Variants in SLC25A26 observed in about 807,000 individuals in gnomAD.
SLC25A26 encodes solute carrier family 25 member 26.
SLC25A26 carries 36 observed loss-of-function variants against 37.8 expected under a neutral mutation model. That is an observed-to-expected ratio of 0.95 (90% CI 0.73 to 1.26). SLC25A26 has a LOEUF of 1.26. Ranked by LOEUF, SLC25A26 falls within the 50% of genes most tolerant of loss-of-function variation. The pLI is 0.00. For synonymous variants in SLC25A26, 129 were observed against 122.5 expected (o/e 1.05, Z -0.35); for missense variants, 390 against 331.1 (o/e 1.18, Z -1.38).
chr3:66,335,727 G>A (rs1045519043), intron 5 of SLC25A26, among the ~76,000 whole-genome samples: 5 of 152,166 alleles, frequency 3.3e-5, no homozygotes, highest in African/African-American at 1.2e-4. Context: ...GCCTTATCAA[G>A]CTTACTGTCT....
At chr3:66,297,438 G>A (rs988201338) in intron 5 of SLC25A26, among the ~76,000 whole-genome samples, 5 of 151,424 alleles carry the variant, frequency 3.3e-5, no homozygotes, top group African/African-American at 1.2e-4. Flanking sequence ...ATGAGGTTTT[G>A]TAATGCATTC....
chr3:66,173,111 G>A (rs750785683), intron 1 of SLC25A26, among the ~76,000 whole-genome samples: 2 of 152,194 alleles, frequency 1.3e-5, no homozygotes, highest in African/African-American at 2.4e-5. Context: ...TTTCCAAATT[G>A]TGATAAGCTA....
intron 1 of SLC25A26, among the ~76,000 whole-genome samples, chr3:66,208,461 C>G (rs922255970): frequency 0.57 from 85,900 of 151,598 alleles, 27,140 homozygotes; most frequent in Middle Eastern, 0.83. Context: ...TTCACATGCC[C>G]TCTTGCCAGA....
At chr3:66,369,347 G>C in intron 7 of SLC25A26, 131 bp from the exon 8 acceptor site, 1 of 717,082 alleles carries the variant, frequency 1.4e-6, no homozygotes, top group Non-Finnish European at 2.5e-6. Flanking sequence ...TTGTGCATGT[G>C]TGCATCCTGT....
intron 3 of SLC25A26, among the ~76,000 whole-genome samples, chr3:66,245,049 G>C (rs1318605585): frequency 6.6e-6 from 1 of 152,012 alleles, no homozygotes; most frequent in Non-Finnish European, 1.5e-5. Flanking sequence ...TACTGTAAGT[G>C]GTAAGTGTAA....
chr3:66,220,589 T>C (rs951521103), upstream of SLC25A26, among the ~76,000 whole-genome samples: 1 of 152,220 alleles, frequency 6.6e-6, no homozygotes, highest in Admixed American at 6.5e-5. Flanking sequence ...AATGAGTTAA[T>C]TTAATATAAA....
intron 6 of SLC25A26, 65 bp downstream of exon 6, chr3:66,346,473 G>GTAA: frequency 1.2e-6 from 1 of 838,696 alleles, no homozygotes; most frequent in East Asian, 3.1e-5. Context: ...GTTTGAGTGT[G>GTAA]GAAGAGTAGA....
chr3:66,193,746 C>G (rs2070990128), intron 1 of SLC25A26, among the ~76,000 whole-genome samples: 1 of 152,062 alleles, frequency 6.6e-6, no homozygotes, highest in Admixed American at 6.6e-5. Flanking sequence ...CATAAAAACA[C>G]AGTCATTGAA....
intron 5 of SLC25A26, among the ~76,000 whole-genome samples, chr3:66,302,122 C>G (rs576385259): frequency 1.3e-3 from 192 of 152,304 alleles, no homozygotes; most frequent in African/African-American, 4.3e-3. Flanking sequence ...AGCTTTATCC[C>G]CAGTGTCTCT....
At chr3:66,312,452 T>C (rs1270618264) in intron 5 of SLC25A26, among the ~76,000 whole-genome samples, 3 of 152,042 alleles carry the variant, frequency 2.0e-5, no homozygotes, top group African/African-American at 4.8e-5. Flanking sequence ...GCAAGATCAC[T>C]TGGCTTCCTG....
intron 5 of SLC25A26, among the ~76,000 whole-genome samples, chr3:66,319,829 C>T (rs757158337): frequency 7.0e-6 from 1 of 143,436 alleles, no homozygotes; most frequent in Non-Finnish European, 1.5e-5. Flanking sequence ...TCTCCGCTCA[C>T]CGCAACCTCT....
chr3:66,183,772 C>T (rs137944391), intron 1 of SLC25A26, among the ~76,000 whole-genome samples: 120 of 152,160 alleles, frequency 7.9e-4, no homozygotes, highest in African/African-American at 1.2e-3. Flanking sequence ...TGACACTGAA[C>T]GTGATGCTAA....
chr3:66,211,648 G>A, intron 1 of SLC25A26, among the ~76,000 whole-genome samples: 1 of 152,104 alleles, frequency 6.6e-6, no homozygotes, highest in South Asian at 2.1e-4. Flanking sequence ...CCAGTTGAGA[G>A]AAAAAATTAA....
At chr3:66,141,872 T>A (rs1159091047) in intron 1 of SLC25A26, among the ~76,000 whole-genome samples, 1 of 152,248 alleles carries the variant, frequency 6.6e-6, no homozygotes, top group Non-Finnish European at 1.5e-5. Flanking sequence ...GTTGAAGCCC[T>A]AGGCTGGATT....
intron 5 of SLC25A26, among the ~76,000 whole-genome samples, chr3:66,323,609 C>A (rs1031592368): frequency 3.3e-5 from 5 of 152,086 alleles, no homozygotes; most frequent in African/African-American, 1.2e-4. Flanking sequence ...GAGTTTGAGA[C>A]CAGCTTGGGC....
intron 5 of SLC25A26, among the ~76,000 whole-genome samples, chr3:66,277,828 A>G (rs2107418426): frequency 6.6e-6 from 1 of 152,270 alleles, no homozygotes; most frequent in South Asian, 2.1e-4. Context: ...ACACAATGTC[A>G]CTTCTTTGGT....
intron 5 of SLC25A26, among the ~76,000 whole-genome samples, chr3:66,280,935 CACTA>C (rs1343224215): frequency 2.0e-5 from 3 of 152,290 alleles, no homozygotes; most frequent in Non-Finnish European, 2.9e-5. Flanking sequence ...ATTTAATATT[CACTA>C]ACTAATATTA....
intron 1 of SLC25A26, among the ~76,000 whole-genome samples, chr3:66,169,520 G>A (rs1021719498): frequency 6.6e-6 from 1 of 152,124 alleles, no homozygotes; most frequent in African/African-American, 2.4e-5. Flanking sequence ...ATAGCCACCA[G>A]CCATTCTTGG....
intron 1 of SLC25A26, among the ~76,000 whole-genome samples, chr3:66,199,464 C>T (rs900709097): frequency 6.6e-6 from 1 of 152,062 alleles, no homozygotes. Context: ...CTCCTTTGAA[C>T]GTTGACTCTT....
Sources: allele counts gnomAD v4.1 joint callset (sites outside exome capture counted in the v4.1 genomes callset), GRCh38; gene constraint gnomAD v4.1.1; transcripts MANE v1.5; gene names NCBI Gene and HGNC (gene_info 2026-07-23, HGNC 2026-07-21).